SPACA1: variants seen among roughly 807,000 people sequenced by gnomAD.
SPACA1 encodes the protein sperm acrosome associated 1, also known as sperm acrosome membrane-associated protein 1.
SPACA1 carries 17 observed loss-of-function variants against 32.6 expected under a neutral mutation model. The ratio of observed to expected loss-of-function variants is 0.52; its 90% CI spans 0.36 to 0.78. The LOEUF (loss-of-function observed/expected upper bound fraction) is 0.78. SPACA1 is among the 30% of genes least tolerant of loss of function. The pLI is 0.01. For synonymous variants in SPACA1, 140 were observed against 138.1 expected, an observed-to-expected ratio of 1.01 and a Z score of -0.10; for missense variants, 363 against 373.4, an observed-to-expected ratio of 0.97 and a Z score of 0.23.
chr6:88,061,381 C>G (rs1775894390), intron 5 of SPACA1, among the ~76,000 whole-genome samples: 1 of 151,786 alleles, frequency 6.6e-6, no homozygotes, highest in Admixed American at 6.6e-5. Context: ...GCCTTTAATC[C>G]AATATAACTG....
chr6:88,054,225 ATT>A (rs11372759), intron 2 of SPACA1, among the ~76,000 whole-genome samples: 5 of 143,998 alleles, frequency 3.5e-5, no homozygotes, highest in African/African-American at 7.6e-5. Flanking sequence ...CCAGCTCCCT[ATT>A]TTTTTTTTTT....
At chr6:88,059,328 A>G (rs1273479310) in intron 4 of SPACA1, 125 bp from the exon 5 acceptor site, 1 of 812,894 alleles carries the variant, frequency 1.2e-6, no homozygotes, top group Non-Finnish European at 1.8e-6. Context: ...ATCCATGTAG[A>G]TCATTAATTA....
upstream of SPACA1, chr6:88,047,771 A>G (rs912417617): frequency 3.4e-6 from 3 of 874,892 alleles, no homozygotes; most frequent in African/African-American, 5.1e-5. Flanking sequence ...CCCGGCAACC[A>G]TTGAGGCGTC....
intron 2 of SPACA1, among the ~76,000 whole-genome samples, chr6:88,056,945 A>T (rs998282436): frequency 6.6e-6 from 1 of 152,184 alleles, no homozygotes; most frequent in Non-Finnish European, 1.5e-5. Context: ...TCTCCTCTCT[A>T]TATTTAATAC....
intron 1 of SPACA1, among the ~76,000 whole-genome samples, chr6:88,051,826 T>A (rs1775731857): frequency 6.6e-6 from 1 of 152,232 alleles, no homozygotes; most frequent in Non-Finnish European, 1.5e-5. Context: ...ATATTTGCTA[T>A]CCTTTCTAGC....
intron 6 of SPACA1, among the ~76,000 whole-genome samples, chr6:88,065,822 AT>A (rs1291154242): frequency 2.6e-5 from 4 of 151,350 alleles, no homozygotes; most frequent in Non-Finnish European, 5.9e-5. Context: ...TATCATTATA[AT>A]TTTTTAAAAT....
At position 88,063,590 on chromosome 6, in the gene SPACA1, G is replaced by A. The variant is rs117720649; in HGVS notation, c.611-509G>A. Among the ~76,000 whole-genome samples the A allele has an allele frequency of 3.8e-4, 58 of 152,214 alleles. 1 individual carries two copies. The East Asian group carries it at 0.011, about 28-fold the overall frequency. On this transcript the variant is annotated intron_variant, in intron 5 of 6. Coordinates refer to ENST00000237201, the MANE Select transcript of SPACA1 (RefSeq NM_030960.3). ...AAGAGGCTCAAGGGAACTTTCTGGG[G>A]TATAGTAATATTCTATATCTTGACT...
Position 88,064,124 on chromosome 6 carries a change from A to T in SPACA1, c.636A>T (p.Leu212=), listed in dbSNP as rs199549041. Reference sequence around the variant, plus strand: ...AATTGCAGATGAGAAGATCAAGCCTACCAGCCACTGATGCAGCCCTAATTT... The same window carrying T: ...AATTGCAGATGAGAAGATCAAGCCTTCCAGCCACTGATGCAGCCCTAATTT... The part of the protein sequence containing the change: ...SSELQMRRSS[L]PATDAALIFV... The change falls in exon 6 of 7, where the codon CTA becomes CTT. Residue 212 remains leucine, a synonymous_variant. Coordinates refer to ENST00000237201, the MANE Select transcript of SPACA1 (RefSeq NM_030960.3). The T allele has an allele frequency of 1.5e-5, 24 of 1,612,762 alleles. No individual in the cohort carries two copies. The highest frequency in any genetic ancestry group is 1.9e-5 in the Non-Finnish European group (23 of 1,179,562).
intron 1 of SPACA1, among the ~76,000 whole-genome samples, chr6:88,052,308 T>A (rs949673432): frequency 3.9e-5 from 6 of 152,154 alleles, no homozygotes; most frequent in Non-Finnish European, 8.8e-5. Flanking sequence ...TAATGGTTTT[T>A]GAAAAAGGCT....
chr6:88,051,012 T>A (rs2127797929), intron 1 of SPACA1, among the ~76,000 whole-genome samples: 1 of 152,172 alleles, frequency 6.6e-6, no homozygotes, highest in Non-Finnish European at 1.5e-5. Context: ...CCGGGCGTGG[T>A]TGCGTGTGCC....
At chr6:88,049,586 A>G (rs1265545182) in intron 1 of SPACA1, among the ~76,000 whole-genome samples, 4 of 152,214 alleles carry the variant, frequency 2.6e-5, no homozygotes, top group Non-Finnish European at 5.9e-5. Context: ...CAGTAGAAAC[A>G]GTTATCCCCA....
upstream of SPACA1, among the ~76,000 whole-genome samples, chr6:88,046,907 A>C (rs1171702887): frequency 2.6e-5 from 4 of 152,184 alleles, no homozygotes. Context: ...GTCTGCTGAG[A>C]CTAGATATTC....
At position 88,054,087 on chromosome 6, in the gene SPACA1, CTT is replaced by C. The variant is rs958627235; in HGVS notation, c.265+86_265+87del. The C allele has an allele frequency of 2.2e-5, 26 of 1,178,970 alleles. No homozygotes were observed. In the African/African-American group the frequency reaches 2.4e-4, roughly 11 times the overall value. 73.0% of individuals were successfully genotyped at this position (1,178,970 alleles called of 1,614,324 possible). On this transcript the variant is annotated intron_variant, in intron 2 of 6. Coordinates refer to ENST00000237201, the MANE Select transcript of SPACA1 (RefSeq NM_030960.3). ...AAGCAGATAGTGTGCAACTTTGTAACTTGTGTACTTTCATGCATCTCTCATGG... is the reference window on the plus strand; with the variant it reads ...AAGCAGATAGTGTGCAACTTTGTAACGTGTACTTTCATGCATCTCTCATGG...
chr6:88,054,325 A>T (rs1775775615), intron 2 of SPACA1, among the ~76,000 whole-genome samples: 1 of 151,876 alleles, frequency 6.6e-6, no homozygotes, highest in Admixed American at 6.6e-5. Flanking sequence ...CATCTCACAG[A>T]TGTCTTCCCA....
intron 3 of SPACA1, 57 bp downstream of exon 3, chr6:88,057,770 T>A: frequency 6.8e-7 from 1 of 1,466,686 alleles, no homozygotes; most frequent in Non-Finnish European, 9.5e-7. Context: ...TCTGGGGAAA[T>A]ATTTTTCACC....
At chr6:88,057,554 A>G in intron 2 of SPACA1, 58 bp from the exon 3 acceptor site, 1 of 1,172,942 alleles carries the variant, frequency 8.5e-7, no homozygotes, top group Admixed American at 1.7e-5. Flanking sequence ...GGGAAAGTGA[A>G]GACACTCTGG....
chr6:88,063,794 T>C (rs1263978007), intron 5 of SPACA1, among the ~76,000 whole-genome samples: 3 of 152,188 alleles, frequency 2.0e-5, no homozygotes, highest in African/African-American at 7.2e-5. Flanking sequence ...TTGCAAATTA[T>C]ATTGAAATGC....
intron 4 of SPACA1, 42 bp from the exon 5 acceptor site, chr6:88,059,411 T>C (rs1321544452): frequency 6.6e-7 from 1 of 1,512,404 alleles, no homozygotes; most frequent in African/African-American, 1.4e-5. Flanking sequence ...TAAGTGTACA[T>C]GAAAAATGTT....
chr6:88,064,249 C>T, intron 6 of SPACA1, 30 bp downstream of exon 6: 1 of 1,594,736 alleles, frequency 6.3e-7, no homozygotes, highest in Non-Finnish European at 8.5e-7. Context: ...CATCATCACC[C>T]TTGATTGACA....
Sources: gnomAD v4.1 joint callset for allele counts (sites outside exome capture counted in the v4.1 genomes callset) on GRCh38, gnomAD v4.1.1 for gene constraint, MANE v1.5 for transcripts, NCBI Gene and HGNC (gene_info 2026-07-23, HGNC 2026-07-21) for gene names.